RGS6: variants seen among roughly 807,000 people sequenced by gnomAD.
RGS6 encodes the protein regulator of G protein signaling 6, also known as regulator of G-protein signaling 6.
RGS6 carries 30 observed loss-of-function variants against 78.5 expected under a neutral mutation model. The ratio of observed to expected loss-of-function variants is 0.38; its 90% confidence interval spans 0.29 to 0.52. RGS6 has a LOEUF of 0.52. Ranked by LOEUF, RGS6 falls within the 20% of genes least tolerant of loss-of-function variation. The pLI is 0.85. For synonymous variants in RGS6, 206 were observed against 206.0 expected (o/e 1.00, Z 0.00); for missense variants, 495 against 609.7 (o/e 0.81, Z 1.98).
chr14:72,548,979 A>G (rs1200486283), intron 17 of RGS6, among the ~76,000 whole-genome samples: 1 of 152,224 alleles, frequency 6.6e-6, no homozygotes, highest in African/African-American at 2.4e-5. Flanking sequence ...GATCTTTTGC[A>G]ACTGGAATTC....
At chr14:71,888,477 C>T in the RGS6 span, among the ~76,000 whole-genome samples, 2 of 151,826 alleles carry the variant, frequency 1.3e-5, no homozygotes, top group Non-Finnish European at 2.9e-5. Flanking sequence ...ATCTGCCTTG[C>T]TCCCTCCTGC....
At chr14:71,881,436 C>T in the RGS6 span, among the ~76,000 whole-genome samples, 7 of 152,126 alleles carry the variant, frequency 4.6e-5, no homozygotes, top group Non-Finnish European at 1.0e-4. Flanking sequence ...TATTGTAGCT[C>T]CCATAATTAC....
chr14:71,915,514 A>G, the RGS6 span, among the ~76,000 whole-genome samples: 1 of 152,158 alleles, frequency 6.6e-6, no homozygotes, highest in Non-Finnish European at 1.5e-5. Flanking sequence ...ATGACTACCC[A>G]GCATCCCATT....
chr14:72,574,629 C>A, the RGS6 span, among the ~76,000 whole-genome samples: 2 of 152,186 alleles, frequency 1.3e-5, no homozygotes, highest in African/African-American at 4.8e-5. Context: ...AAGACCACAC[C>A]TTCTAGTAGA....
At chr14:72,382,277 A>G (rs1275550674) in intron 3 of RGS6, among the ~76,000 whole-genome samples, 1 of 152,190 alleles carries the variant, frequency 6.6e-6, no homozygotes, top group East Asian at 1.9e-4. Flanking sequence ...TAGAAAAATG[A>G]GCAAAACCAT....
intron 2 of RGS6, among the ~76,000 whole-genome samples, chr14:72,171,175 GAAA>G (rs147832691): frequency 1.3e-5 from 2 of 151,588 alleles, no homozygotes; most frequent in African/African-American, 4.9e-5. Context: ...TGCTGAGGAG[GAAA>G]AAAAAGCTGA....
intron 3 of RGS6, among the ~76,000 whole-genome samples, chr14:72,368,284 T>A (rs957328159): frequency 2.8e-4 from 43 of 152,190 alleles, no homozygotes; most frequent in Non-Finnish European, 4.1e-4. Context: ...ACTCCTAGGA[T>A]AACTGCATTA....
At chr14:71,914,172 C>G in the RGS6 span, among the ~76,000 whole-genome samples, 1 of 152,216 alleles carries the variant, frequency 6.6e-6, no homozygotes, top group Non-Finnish European at 1.5e-5. Flanking sequence ...CTTGGGCCAG[C>G]TGACTGCTAA....
intron 3 of RGS6, among the ~76,000 whole-genome samples, chr14:72,423,353 C>G (rs899830686): frequency 1.3e-5 from 2 of 152,110 alleles, no homozygotes; most frequent in African/African-American, 4.8e-5. Context: ...CTGCTTTTTT[C>G]CCCTCAAAAG....
chr14:72,235,989 A>G (rs1382812207), intron 2 of RGS6, among the ~76,000 whole-genome samples: 9 of 152,238 alleles, frequency 5.9e-5, no homozygotes, highest in Admixed American at 1.3e-4. Context: ...ACTTTCTTCA[A>G]TAATTAAAGC....
chr14:72,212,798 T>C (rs1362601587), intron 2 of RGS6, among the ~76,000 whole-genome samples: 1 of 152,166 alleles, frequency 6.6e-6, no homozygotes, highest in Non-Finnish European at 1.5e-5. Flanking sequence ...GGAAAGGAAT[T>C]CAGCATAGTG....
intron 2 of RGS6, chr14:71,991,052 C>G (rs1248418406): frequency 8.5e-6 from 3 of 354,260 alleles, no homozygotes; most frequent in Non-Finnish European, 1.7e-5. Context: ...CTGTTTGTCT[C>G]CCTAGGATAT....
chr14:72,394,395 C>T lies in RGS6; in HGVS notation c.184+42201C>T, dbSNP rs183928305. 1.7e-3 allele frequency among the ~76,000 whole-genome samples: 254 copies of T among 152,054 alleles called. 1 individual carries two copies. Among genetic ancestry groups the T allele is most frequent in the African/African-American group, 5.0e-3 (208 of 41,490 alleles). ...TGGAGGTGGGGCGAGATCACAGGCC[C>T]GGGGCGAAATTAAAATTGCTAATGA... On this transcript the variant is annotated intron_variant, in intron 3 of 17. Transcript: ENST00000553525.
intron 12 of RGS6, among the ~76,000 whole-genome samples, chr14:72,492,190 A>G (rs2096587101): frequency 6.6e-6 from 1 of 152,230 alleles, no homozygotes. Context: ...CATTTATTTC[A>G]TCAGTTTCAC....
intron 2 of RGS6, among the ~76,000 whole-genome samples, chr14:72,025,769 A>G (rs1382068549): frequency 6.6e-6 from 1 of 152,176 alleles, no homozygotes; most frequent in East Asian, 1.9e-4. Flanking sequence ...GGTAGATGCT[A>G]TCATTCTTCC....
the RGS6 span, chr14:71,908,267 A>T: frequency 6.6e-6 from 1 of 152,260 alleles, no homozygotes; most frequent in Non-Finnish European, 1.5e-5. Context: ...GGCAGCAAAA[A>T]TCCCAGCCGG....
At chr14:72,256,365 G>A (rs2057081497) in intron 2 of RGS6, among the ~76,000 whole-genome samples, 1 of 152,138 alleles carries the variant, frequency 6.6e-6, no homozygotes. Flanking sequence ...GCAAAAGTCT[G>A]AAAAATATCT....
intron 2 of RGS6, among the ~76,000 whole-genome samples, chr14:72,055,648 AT>A (rs533027076): frequency 5.1e-4 from 75 of 148,506 alleles, no homozygotes; most frequent in South Asian, 1.1e-3. Flanking sequence ...GAACATAGGG[AT>A]TTTTTTTTTT....
chr14:72,014,874 T>C (rs1387887137), intron 2 of RGS6, among the ~76,000 whole-genome samples: 2 of 152,206 alleles, frequency 1.3e-5, no homozygotes, highest in Admixed American at 6.5e-5. Context: ...TCAATATTCA[T>C]ACTTCTGCCA....
Sources: allele counts gnomAD v4.1 joint callset (sites outside exome capture counted in the v4.1 genomes callset), GRCh38; gene constraint gnomAD v4.1.1; transcripts MANE v1.5; gene names NCBI Gene and HGNC (gene_info 2026-07-23, HGNC 2026-07-21).